The following FGF1 variants were observed in gnomAD, a reference collection of about 807,000 sequenced individuals.
The protein encoded by FGF1 is beta-endothelial cell growth factor.
A neutral mutation model predicts 13.4 loss-of-function variants in FGF1; 9 were observed. The ratio of observed to expected loss-of-function variants is 0.67; its 90% CI spans 0.40 to 1.17. FGF1 has a LOEUF of 1.17. FGF1 is among the 50% of genes most tolerant of loss of function. The pLI, the probability that FGF1 is intolerant of heterozygous loss-of-function variation, is 0.01. For missense variants in FGF1, 156 were observed against 192.7 expected, an observed-to-expected ratio of 0.81 and a Z score of 1.13; for synonymous variants, 93 against 79.0, an observed-to-expected ratio of 1.18 and a Z score of -0.94.
At chr5:142,690,165 C>CA (rs1399793993), upstream of FGF1, among the ~76,000 whole-genome samples, 3 of 150,570 alleles carry the variant, frequency 2.0e-5, no homozygotes, top group African/African-American at 4.9e-5. Flanking sequence ...ACTAAAAATA[C>CA]AAAAAATTAG....
At chr5:142,659,377 C>T (rs928777174) in intron 1 of FGF1, among the ~76,000 whole-genome samples, 3 of 151,886 alleles carry the variant, frequency 2.0e-5, no homozygotes, top group Non-Finnish European at 4.4e-5. Flanking sequence ...TACAGGCACC[C>T]ACCACCACAC....
At chr5:142,630,976 G>C (rs2151926126) in intron 1 of FGF1, among the ~76,000 whole-genome samples, 1 of 152,180 alleles carries the variant, frequency 6.6e-6, no homozygotes, top group East Asian at 1.9e-4. Flanking sequence ...CTGGAGGACA[G>C]AAGCCATGTT....
chr5:142,592,221 C>G lies in FGF1; in HGVS notation c.*3069G>C, dbSNP rs1315041499. ...TTTATTAATATTTGTAAGGTGCAGA[C>G]TATGATACACAAAAAGACAGTGATG... On this transcript the variant is annotated 3_prime_UTR_variant, in exon 4 of 4. Transcript: ENST00000337706. The G allele has an allele frequency of 2.5e-6, 1 of 397,240 alleles. No individual in the cohort carries two copies. Among genetic ancestry groups the G allele is most frequent in the East Asian group, 3.6e-5 (1 of 28,084 alleles). 24.6% of individuals were successfully genotyped at this position (397,240 alleles called of 1,614,324 possible). A position where few individuals can be genotyped will look rare whatever the true frequency, so the allele number is the denominator to read the frequency against.
chr5:142,668,002 G>A (rs2152020293), intron 1 of FGF1, among the ~76,000 whole-genome samples: 1 of 152,360 alleles, frequency 6.6e-6, no homozygotes, highest in East Asian at 1.9e-4. Flanking sequence ...TGCTCACAAA[G>A]GCAGACCTGT....
chr5:142,657,105 T>TG (rs757416431), intron 1 of FGF1, among the ~76,000 whole-genome samples: 2 of 152,022 alleles, frequency 1.3e-5, no homozygotes, highest in South Asian at 4.2e-4. Context: ...TTAGTAGAGA[T>TG]GGGGTTTCAC....
At chr5:142,660,727 T>C (rs1769066454) in intron 1 of FGF1, among the ~76,000 whole-genome samples, 1 of 152,184 alleles carries the variant, frequency 6.6e-6, no homozygotes, top group Admixed American at 6.5e-5. Context: ...CCATATCTTC[T>C]TTTCTAACCC....
intron 1 of FGF1, chr5:142,680,701 G>A (rs1245043815): frequency 6.6e-6 from 1 of 152,184 alleles, no homozygotes; most frequent in African/African-American, 2.4e-5. Flanking sequence ...CATAATAGGG[G>A]TGGTCTCACC....
chr5:142,666,569 G>C (rs1770412821), intron 1 of FGF1, among the ~76,000 whole-genome samples: 1 of 152,110 alleles, frequency 6.6e-6, no homozygotes, highest in Non-Finnish European at 1.5e-5. Context: ...ATTTCAGCCA[G>C]GATATGGAGG....
intron 2 of FGF1, among the ~76,000 whole-genome samples, chr5:142,692,684 C>T (rs971419823): frequency 2.7e-5 from 4 of 149,426 alleles, no homozygotes; most frequent in East Asian, 1.9e-4. Context: ...CACGCACACA[C>T]GCACACACAC....
intron 1 of FGF1, among the ~76,000 whole-genome samples, chr5:142,650,345 G>A (rs1767004036): frequency 6.6e-6 from 1 of 152,190 alleles, no homozygotes; most frequent in South Asian, 2.1e-4. Context: ...AGACAGTCAA[G>A]GTGAACATGG....
intron 2 of FGF1, among the ~76,000 whole-genome samples, chr5:142,608,550 A>C (rs1469832623): frequency 2.3e-4 from 14 of 62,174 alleles, no homozygotes; most frequent in African/African-American, 4.1e-4. Flanking sequence ...ATCTATATAT[A>C]TATATATATA....
rs1202086201 is a variant in FGF1, at chr5:142,645,964, AG to A, written c.-34-31804del. Among the ~76,000 whole-genome samples, 7 of 152,248 alleles carry A rather than the reference AG, an allele frequency of 4.6e-5. No individual in the cohort carries two copies. The South Asian group carries it at 1.4e-3, about 32-fold the overall frequency. On this transcript the variant is annotated intron_variant, in intron 1 of 3. Transcript: ENST00000337706. ...TGCTTTGTCGCCTAGGCTGAAGCGCAGTGGTGCGATCTTGGCTCATTGCAAG... is the reference window on the plus strand; with the variant it reads ...TGCTTTGTCGCCTAGGCTGAAGCGCATGGTGCGATCTTGGCTCATTGCAAG...
At chr5:142,629,895 A>ATT (rs35168859) in intron 1 of FGF1, among the ~76,000 whole-genome samples, 19,979 of 127,526 alleles carry the variant, frequency 0.16, 1,676 homozygotes, top group Middle Eastern at 0.2. Context: ...ATATATATAT[A>ATT]TTTTTTTTTT....
At chr5:142,652,818 C>T (rs996797878) in intron 1 of FGF1, among the ~76,000 whole-genome samples, 1 of 152,230 alleles carries the variant, frequency 6.6e-6, no homozygotes, top group Non-Finnish European at 1.5e-5. Context: ...CGCCAGGCCC[C>T]GGGCGGGCAG....
chr5:142,695,925 G>A (rs985923415), intron 2 of FGF1, among the ~76,000 whole-genome samples: 1 of 152,198 alleles, frequency 6.6e-6, no homozygotes, highest in Non-Finnish European at 1.5e-5. Context: ...AGGCCTCAGA[G>A]GGGAGACAGC....
At chr5:142,692,685 GCACACACA>G (rs34754711) in intron 2 of FGF1, among the ~76,000 whole-genome samples, 4 of 145,150 alleles carry the variant, frequency 2.8e-5, no homozygotes, top group African/African-American at 1.0e-4. Context: ...ACGCACACAC[GCACACACA>G]CACACACACG....
At chr5:142,692,708 G>GACAC (rs567647682) in intron 2 of FGF1, among the ~76,000 whole-genome samples, 2 of 146,284 alleles carry the variant, frequency 1.4e-5, no homozygotes, top group African/African-American at 2.6e-5. Context: ...CACACGCACA[G>GACAC]ACACACACAC....
At chr5:142,647,516 T>G (rs532111697) in intron 1 of FGF1, among the ~76,000 whole-genome samples, 1 of 152,296 alleles carries the variant, frequency 6.6e-6, no homozygotes, top group South Asian at 2.1e-4. Flanking sequence ...TTAATTTGTC[T>G]TTTGTCAGTC....
intron 2 of FGF1, among the ~76,000 whole-genome samples, chr5:142,611,290 C>T (rs546330430): frequency 3.9e-5 from 6 of 152,248 alleles, no homozygotes; most frequent in African/African-American, 1.4e-4. Flanking sequence ...ACATCCGTGC[C>T]CAGGACTCCT....
Sources: gnomAD v4.1 joint callset for allele counts (sites outside exome capture counted in the v4.1 genomes callset) on GRCh38, gnomAD v4.1.1 for gene constraint, MANE v1.5 for transcripts, NCBI Gene and HGNC (gene_info 2026-07-23, HGNC 2026-07-21) for gene names.